RNF19A: variants seen among roughly 807,000 people sequenced by gnomAD.
The protein encoded by RNF19A is E3 ubiquitin-protein ligase RNF19A.
RNF19A carries 32 observed loss-of-function variants against 75.7 expected under a neutral mutation model. That is an observed-to-expected ratio of 0.42 (90% confidence interval 0.32 to 0.57). The LOEUF is 0.57. Ranked by LOEUF, RNF19A falls within the 20% of genes least tolerant of loss-of-function variation. The pLI is 0.10. For missense variants in RNF19A, 782 were observed against 1,036.3 expected, an observed-to-expected ratio of 0.75 and a Z score of 3.37; for synonymous variants, 335 against 345.2, an observed-to-expected ratio of 0.97 and a Z score of 0.33.
Position 100,258,551 on chromosome 8 carries a change from T to C in RNF19A, c.*5A>G, listed in dbSNP as rs1323426563. On this transcript the variant is annotated 3_prime_UTR_variant, in exon 10 of 10. Coordinates refer to ENST00000341084, the MANE Select transcript of RNF19A (RefSeq NM_183419.4). This position sits in a 1 kb window ranked among gnomAD's most constrained non-coding sequence, Gnocchi z 4.3. ...AGTGGTAATTATTCTGCAGCATTTA[T>C]GGGCCTAAATTTCAGTCTGAATTGC... 6.3e-7 allele frequency: 1 copy of C among 1,597,828 alleles called. No individual in the cohort carries two copies. Among genetic ancestry groups the C allele is most frequent in the Admixed American group, 1.7e-5 (1 of 59,004 alleles).
rs532535232 is a variant in RNF19A at position 100,309,437 on chromosome 8, C to T, written c.-94+430G>A. 5.1e-6 allele frequency: 5 copies of T among 985,522 alleles called. No homozygotes were observed. In the South Asian group the frequency reaches 1.4e-4, roughly 28 times the overall value. 61.0% of individuals were successfully genotyped at this position (985,522 alleles called of 1,614,324 possible). On this transcript the variant is annotated intron_variant, in intron 1 of 9. Coordinates refer to ENST00000341084, the MANE Select transcript of RNF19A (RefSeq NM_183419.4). ...TCACCCGTCAGGAATGCGTTCCGCC[C>T]CCGCCGCCTCCCCGCGGCAACCGCC...
chr8:100,285,279 CTCTGTAA>C (rs1279424648), intron 2 of RNF19A, among the ~76,000 whole-genome samples: 6 of 152,036 alleles, frequency 3.9e-5, no homozygotes, highest in African/African-American at 1.4e-4. Flanking sequence ...TAACCTACAC[CTCTGTAA>C]TCTGTTTTGA....
chr8:100,289,081 A>G (rs1265065156), intron 1 of RNF19A, among the ~76,000 whole-genome samples: 2 of 148,782 alleles, frequency 1.3e-5, no homozygotes, highest in African/African-American at 5.0e-5. Flanking sequence ...AAAAAAAGTC[A>G]TATATATGTA....
intron 2 of RNF19A, among the ~76,000 whole-genome samples, chr8:100,281,019 A>AACTGAACATCTCTGACTC (rs1820758129): frequency 6.6e-6 from 1 of 152,218 alleles, no homozygotes; most frequent in Non-Finnish European, 1.5e-5. Context: ...AAGGTCATGG[A>AACTGAACATCTCTGACTC]AATAACTGAA....
intron 1 of RNF19A, among the ~76,000 whole-genome samples, chr8:100,318,672 A>G (rs967944914): frequency 6.6e-6 from 1 of 152,264 alleles, no homozygotes; most frequent in Non-Finnish European, 1.5e-5. Flanking sequence ...ACAAAAGCAA[A>G]CAAACAAGAG....
chr8:100,323,300 T>C lies in RNF19A; in HGVS notation c.-242-9928A>G, dbSNP rs1483246189. ...AACTTTATTCTTCTCTGTAATATCA[T>C]TTTTGGAAGTTTTATCTGAATATTT... On this transcript the variant is annotated intron_variant, in intron 1 of 3. Transcript: ENST00000519527. This position sits in a 1 kb window ranked among gnomAD's most constrained non-coding sequence, Gnocchi z 4.6. Among the ~76,000 whole-genome samples, 1 of 152,212 alleles carries C rather than the reference T, an allele frequency of 6.6e-6. No individual in the cohort carries two copies. The highest frequency in any genetic ancestry group is 1.5e-5 in the Non-Finnish European group (1 of 68,034).
intron 1 of RNF19A, among the ~76,000 whole-genome samples, chr8:100,296,115 T>C (rs1320171540): frequency 6.6e-6 from 1 of 152,194 alleles, no homozygotes; most frequent in African/African-American, 2.4e-5. Flanking sequence ...TTTCCTTTTT[T>C]TCTTTTTTGA....
upstream of RNF19A, chr8:100,312,265 A>T (rs1339436664): frequency 6.6e-6 from 1 of 152,250 alleles, no homozygotes; most frequent in African/African-American, 2.4e-5. Context: ...CAACAATTAA[A>T]TCAGAATCAC....
rs1010655930 is a variant in RNF19A at position 100,269,804 on chromosome 8, C to G, written c.1028+65G>C. 1 of 1,288,782 alleles carries G rather than the reference C, an allele frequency of 7.8e-7. No individual in the cohort carries two copies. The highest frequency in any genetic ancestry group is 1.0e-6 in the Non-Finnish European group (1 of 976,652). 79.8% of individuals were successfully genotyped at this position (1,288,782 alleles called of 1,614,324 possible). A position where few individuals can be genotyped will look rare whatever the true frequency, so the allele number is the denominator to read the frequency against. ...TATCTTATAAAACCCAAATTTAAGA[C>G]AAGTTATTTTGTCTTACAATATAAA... is the stretch of plus-strand genomic sequence containing the variant. On this transcript the variant is annotated intron_variant, in intron 4 of 9. Coordinates refer to ENST00000341084, the MANE Select transcript of RNF19A (RefSeq NM_183419.4). This position sits in a 1 kb window ranked among gnomAD's most constrained non-coding sequence, Gnocchi z 5.7.
rs1397778159 is a variant in RNF19A, at chr8:100,261,979, A to T, written c.1469-224T>A. ...TCAAAAACCCAGATTTAGGAATTCT[A>T]TAAAGAATATGATTGTTAAAAAATA... On this transcript the variant is annotated intron_variant, in intron 7 of 9. Transcript: ENST00000341084. The surrounding 1 kb of genome is among the most constrained non-coding windows in gnomAD (Gnocchi z 4.4). Among the ~76,000 whole-genome samples the T allele has an allele frequency of 2.0e-5, 3 of 152,234 alleles. No homozygotes were observed. The highest frequency in any genetic ancestry group is 4.8e-5 in the African/African-American group (2 of 41,464).
chr8:100,282,422 AT>A (rs1378849951), intron 2 of RNF19A, among the ~76,000 whole-genome samples: 1 of 152,218 alleles, frequency 6.6e-6, no homozygotes, highest in Non-Finnish European at 1.5e-5. Flanking sequence ...AGTATATTTA[AT>A]TATTTAGTGT....
At chr8:100,304,192 C>T (rs1328455743) in intron 1 of RNF19A, among the ~76,000 whole-genome samples, 1 of 152,056 alleles carries the variant, frequency 6.6e-6, no homozygotes, top group African/African-American at 2.4e-5. Flanking sequence ...GAACTCCTAA[C>T]CTCAGGTGAT....
chr8:100,326,745 T>G (rs1483335005), intron 1 of RNF19A, among the ~76,000 whole-genome samples: 1 of 152,216 alleles, frequency 6.6e-6, no homozygotes, highest in African/African-American at 2.4e-5. Flanking sequence ...GCCTTAATAT[T>G]TTTTATTTTG....
rs937087096 is a variant in RNF19A, at chr8:100,322,688, T to C, written c.-242-9316A>G. The stretch of plus-strand genomic sequence containing the variant: ...GCTTAATCATTTCTTGTTTTTTGGT[T>C]TCAAGTGAGAGGCATGCAACTCTTC... On this transcript the variant is annotated intron_variant, in intron 1 of 3. Coordinates refer to the RNF19A transcript ENST00000519527. This position sits in a 1 kb window ranked among gnomAD's most constrained non-coding sequence, Gnocchi z 5.1. 1.3e-5 allele frequency among the ~76,000 whole-genome samples: 2 copies of C among 152,230 alleles called. No homozygotes were observed. The highest frequency in any genetic ancestry group is 2.9e-5 in the Non-Finnish European group (2 of 68,040).
At chr8:100,301,672 T>G (rs1821836035) in intron 1 of RNF19A, among the ~76,000 whole-genome samples, 1 of 152,222 alleles carries the variant, frequency 6.6e-6, no homozygotes, top group Non-Finnish European at 1.5e-5. Flanking sequence ...ACAATCATTC[T>G]AGGTCAGTAA....
rs143029905 is a variant in RNF19A at position 100,293,029 on chromosome 8, T to C, written c.-93-4762A>G. The stretch of plus-strand genomic sequence containing the variant: ...TTTCATCAGGCATTATATTCTCATA[T>C]GGAGTGTGCCATCTAGATCCCTCGA... On this transcript the variant is annotated intron_variant, in intron 1 of 9. Transcript: ENST00000341084. 5.3e-5 allele frequency among the ~76,000 whole-genome samples: 8 copies of C among 152,320 alleles called. 1 individual carries two copies. The highest frequency in any genetic ancestry group is 1.7e-4 in the African/African-American group (7 of 41,572).
At position 100,287,481 on chromosome 8, in the gene RNF19A, A is replaced by T; in HGVS notation, c.674+20T>A. ...AGAGAAAAAAATTAACTCAAGAAAA[A>T]TCAAACATTATCTTCTTACCCACAG... On this transcript the variant is annotated intron_variant, in intron 2 of 9. Coordinates refer to ENST00000341084, the MANE Select transcript of RNF19A (RefSeq NM_183419.4). This position sits in a 1 kb window ranked among gnomAD's most constrained non-coding sequence, Gnocchi z 4.1. The T allele has an allele frequency of 6.5e-7, 1 of 1,546,548 alleles. No individual in the cohort carries two copies. Among genetic ancestry groups the T allele is most frequent in the Admixed American group, 2.2e-5 (1 of 46,326 alleles).
In RNF19A at chr8:100,260,554, G is replaced by A. The variant is rs767451204; in HGVS notation, c.1683-557C>T. On this transcript the variant is annotated intron_variant, in intron 8 of 9. Transcript: ENST00000341084. This position sits in a 1 kb window ranked among gnomAD's most constrained non-coding sequence, Gnocchi z 4.1. The stretch of plus-strand genomic sequence containing the variant: ...CAAAGTGCTGGGATTATAGGTATGA[G>A]CCACTGAGCCCAACCAACATTTGCC... 3.3e-5 allele frequency among the ~76,000 whole-genome samples: 5 copies of A among 152,130 alleles called. No individual in the cohort carries two copies. The highest frequency in any genetic ancestry group is 7.2e-5 in the African/African-American group (3 of 41,422).
In RNF19A at chr8:100,261,123, G is replaced by T. The variant is rs1224062680; in HGVS notation, c.1682+419C>A. ...TTTTTCTTTTTTTTTTTGAGACAGG[G>T]TCTCACTGTCACTCAGGTTGGAGCT... is the stretch of plus-strand genomic sequence containing the variant. On this transcript the variant is annotated intron_variant, in intron 8 of 9. Transcript: ENST00000341084. The surrounding 1 kb of genome is among the most constrained non-coding windows in gnomAD (Gnocchi z 4.4). 2.6e-5 allele frequency among the ~76,000 whole-genome samples: 4 copies of T among 151,896 alleles called. No homozygotes were observed. The South Asian group carries it at 8.3e-4, about 32-fold the overall frequency.
Sources: gnomAD v4.1 joint callset for allele counts (sites outside exome capture counted in the v4.1 genomes callset) on GRCh38, gnomAD v4.1.1 for gene constraint, Gnocchi (gnomAD v3.1) non-coding constraint, MANE v1.5 for transcripts, NCBI Gene and HGNC (gene_info 2026-07-23, HGNC 2026-07-21) for gene names.